TGFBR3: variants seen among roughly 807,000 people sequenced by gnomAD.
TGFBR3 encodes transforming growth factor beta receptor 3.
Under a neutral mutation model 87.9 loss-of-function variants are expected in TGFBR3, and 46 were observed. The ratio of observed to expected loss-of-function variants is 0.52; its 90% CI spans 0.41 to 0.67. TGFBR3 has a LOEUF of 0.67. Ranked by LOEUF, TGFBR3 falls within the 30% of genes least tolerant of loss-of-function variation. TGFBR3 has a pLI of 0.00. For synonymous variants in TGFBR3, 381 were observed against 391.6 expected (o/e 0.97, Z 0.32); for missense variants, 866 against 1,041.9 (o/e 0.83, Z 2.32).
chr1:91,882,284 GCAC>G (rs1346985371), intron 1 of TGFBR3, among the ~76,000 whole-genome samples: 1 of 151,220 alleles, frequency 6.6e-6, no homozygotes, highest in East Asian at 2.0e-4. Flanking sequence ...TTACAGGTGT[GCAC>G]CACCACGCTC....
chr1:91,899,209 C>A (rs1322078362), intron 2 of TGFBR3, among the ~76,000 whole-genome samples: 3 of 152,126 alleles, frequency 2.0e-5, no homozygotes, highest in Non-Finnish European at 4.4e-5. Context: ...TTTAATTATT[C>A]CACAATGTAT....
intron 3 of TGFBR3, among the ~76,000 whole-genome samples, chr1:91,781,953 A>G (rs1571504115): frequency 6.6e-6 from 1 of 152,242 alleles, no homozygotes; most frequent in African/African-American, 2.4e-5. Context: ...AAATGAACAC[A>G]AAAGATTCTT....
At chr1:91,849,430 A>G (rs1677632871) in intron 2 of TGFBR3, among the ~76,000 whole-genome samples, 2 of 151,948 alleles carry the variant, frequency 1.3e-5, no homozygotes, top group Admixed American at 1.3e-4. Flanking sequence ...GGGCCTCTGC[A>G]CTTGCTTTTC....
intron 3 of TGFBR3, among the ~76,000 whole-genome samples, chr1:91,772,216 G>A (rs1017529136): frequency 6.6e-6 from 1 of 152,122 alleles, no homozygotes; most frequent in Non-Finnish European, 1.5e-5. Flanking sequence ...TTAACTTCTG[G>A]CTTAGTAAGT....
intron 3 of TGFBR3, among the ~76,000 whole-genome samples, chr1:91,780,933 A>AC (rs1491376104): frequency 7.5e-6 from 1 of 132,588 alleles, no homozygotes; most frequent in Non-Finnish European, 1.7e-5. Flanking sequence ...ACACACACAC[A>AC]GAGATCTCAT....
chr1:91,728,265 G>T (rs762797178), intron 6 of TGFBR3, among the ~76,000 whole-genome samples: 64 of 149,526 alleles, frequency 4.3e-4, no homozygotes, highest in Non-Finnish European at 8.9e-4. Flanking sequence ...AAGCATGGTG[G>T]TAAAAAAAAA....
At chr1:91,685,768 G>A (rs1476144505) in intron 16 of TGFBR3, among the ~76,000 whole-genome samples, 1 of 152,140 alleles carries the variant, frequency 6.6e-6, no homozygotes, top group Non-Finnish European at 1.5e-5. Context: ...TTTCCCCAGA[G>A]TAGGAGCTTT....
intron 3 of TGFBR3, among the ~76,000 whole-genome samples, chr1:91,786,663 A>G (rs1674979156): frequency 6.6e-6 from 1 of 151,958 alleles, no homozygotes; most frequent in South Asian, 2.1e-4. Context: ...AGGCAGGAGA[A>G]TTGCTTGAAC....
At chr1:91,752,415 T>C (rs966594808) in intron 4 of TGFBR3, among the ~76,000 whole-genome samples, 1 of 150,558 alleles carries the variant, frequency 6.6e-6, no homozygotes, top group African/African-American at 2.4e-5. Flanking sequence ...ATTTGCTCTC[T>C]GATTTTAATG....
At chr1:91,827,059 C>T (rs1236796737) in intron 2 of TGFBR3, among the ~76,000 whole-genome samples, 2 of 152,158 alleles carry the variant, frequency 1.3e-5, no homozygotes, top group East Asian at 3.9e-4. Flanking sequence ...AAGCAAAGAC[C>T]ACATTTTACT....
intron 2 of TGFBR3, among the ~76,000 whole-genome samples, chr1:91,835,841 AAAAAAAAAAAAAAG>A (rs1166990400): frequency 4.9e-5 from 4 of 81,004 alleles, no homozygotes; most frequent in African/African-American, 1.2e-4. Context: ...AAAAAAAAAA[AAAAAAAAAAAAAAG>A]CCAACATACC....
chr1:91,769,108 A>G (rs1674284524), intron 3 of TGFBR3, among the ~76,000 whole-genome samples: 1 of 152,172 alleles, frequency 6.6e-6, no homozygotes, highest in Non-Finnish European at 1.5e-5. Context: ...CAGTTTCATC[A>G]ATTGTAACAT....
intron 14 of TGFBR3, among the ~76,000 whole-genome samples, chr1:91,698,971 T>A (rs1423594650): frequency 6.7e-6 from 1 of 149,908 alleles, no homozygotes; most frequent in Admixed American, 6.7e-5. Context: ...TATTTCCTCC[T>A]CCACATTTGC....
chr1:91,711,940 T>C (rs1296208081), intron 13 of TGFBR3, among the ~76,000 whole-genome samples: 1 of 152,230 alleles, frequency 6.6e-6, no homozygotes, highest in African/African-American at 2.4e-5. Flanking sequence ...GCTGTGTTTT[T>C]GGCCTGCAAA....
At chr1:91,800,407 G>T (rs971940404) in intron 2 of TGFBR3, among the ~76,000 whole-genome samples, 1 of 150,266 alleles carries the variant, frequency 6.7e-6, no homozygotes, top group Non-Finnish European at 1.5e-5. Context: ...TACTTGGGAG[G>T]CAAAGGTGGG....
chr1:91,689,343 A>G (rs2100698030), intron 16 of TGFBR3, among the ~76,000 whole-genome samples: 1 of 152,238 alleles, frequency 6.6e-6, no homozygotes, highest in Admixed American at 6.5e-5. Context: ...GCCTGAGCCA[A>G]TCTGCTTATA....
chr1:91,747,121 A>T (rs1467097638), intron 4 of TGFBR3, among the ~76,000 whole-genome samples: 1 of 152,250 alleles, frequency 6.6e-6, no homozygotes, highest in Non-Finnish European at 1.5e-5. Context: ...ACACACCTTT[A>T]GCAAGAAATG....
chr1:91,701,852 T>A (rs1424650978), intron 14 of TGFBR3, among the ~76,000 whole-genome samples: 1 of 152,210 alleles, frequency 6.6e-6, no homozygotes, highest in Non-Finnish European at 1.5e-5. Context: ...AGGCCCCATT[T>A]AAGACAGAGT....
intron 16 of TGFBR3, among the ~76,000 whole-genome samples, chr1:91,692,555 C>G (rs1412652343): frequency 1.3e-5 from 2 of 152,172 alleles, no homozygotes; most frequent in South Asian, 4.1e-4. Flanking sequence ...TAGGGACCTT[C>G]ATGGACTAGA....
Sources: allele counts gnomAD v4.1 joint callset (sites outside exome capture counted in the v4.1 genomes callset), GRCh38; gene constraint gnomAD v4.1.1; transcripts MANE v1.5; gene names NCBI Gene and HGNC (gene_info 2026-07-23, HGNC 2026-07-21).